Variants in TMCC1 observed in about 807,000 individuals in gnomAD.
TMCC1 encodes the protein transmembrane and coiled-coil domains protein 1.
TMCC1 carries 15 observed loss-of-function variants against 52.4 expected under a neutral mutation model. That is an observed-to-expected ratio of 0.29 (90% CI 0.19 to 0.44). TMCC1 has a LOEUF of 0.44. Ranked by LOEUF, TMCC1 falls within the 20% of genes least tolerant of loss-of-function variation. TMCC1 has a pLI of 1.00. For synonymous variants in TMCC1, 279 were observed against 301.9 expected (o/e 0.92, Z 0.79); for missense variants, 503 against 806.0 (o/e 0.62, Z 4.55).
chr3:129,654,105 T>C (rs1262725912), intron 6 of TMCC1, among the ~76,000 whole-genome samples: 3 of 152,174 alleles, frequency 2.0e-5, no homozygotes, highest in Admixed American at 6.5e-5. Context: ...TTCCAAAGTA[T>C]TCAAGGGATA....
chr3:129,759,402 G>A (rs1411859246), intron 4 of TMCC1, among the ~76,000 whole-genome samples: 1 of 151,294 alleles, frequency 6.6e-6, no homozygotes, highest in Non-Finnish European at 1.5e-5. Context: ...CAAGCAGCTG[G>A]GACTACAGGC....
chr3:129,763,574 G>GA (rs1304629054), intron 4 of TMCC1, among the ~76,000 whole-genome samples: 10 of 111,332 alleles, frequency 9.0e-5, no homozygotes, highest in East Asian at 2.6e-4. Flanking sequence ...AAAAGAAAAA[G>GA]AAAAAATTAT....
intron 4 of TMCC1, among the ~76,000 whole-genome samples, chr3:129,775,826 A>T (rs770901685): frequency 2.0e-5 from 3 of 152,164 alleles, no homozygotes; most frequent in Non-Finnish European, 2.9e-5. Flanking sequence ...TGTGCTCCAT[A>T]CTGTAGCCAG....
chr3:129,760,847 A>G (rs1470068892), intron 4 of TMCC1, among the ~76,000 whole-genome samples: 1 of 151,650 alleles, frequency 6.6e-6, no homozygotes, highest in East Asian at 2.0e-4. Context: ...CCTGGGCTCA[A>G]GCAGTCTACC....
intron 4 of TMCC1, among the ~76,000 whole-genome samples, chr3:129,718,707 C>A (rs1194679939): frequency 6.6e-6 from 1 of 152,024 alleles, no homozygotes; most frequent in Admixed American, 6.5e-5. Context: ...AATGTATTTT[C>A]TCTTCCTTAT....
At chr3:129,766,666 G>C (rs2054153970) in intron 4 of TMCC1, among the ~76,000 whole-genome samples, 1 of 151,890 alleles carries the variant, frequency 6.6e-6, no homozygotes, top group African/African-American at 2.4e-5. Flanking sequence ...TATCGCCCAG[G>C]CTGGAGTGTA....
intron 2 of TMCC1, among the ~76,000 whole-genome samples, chr3:129,836,929 A>G (rs1436494644): frequency 2.0e-5 from 3 of 152,210 alleles, no homozygotes; most frequent in African/African-American, 7.2e-5. Flanking sequence ...AAGAGCAAGC[A>G]ACAATACCAA....
In TMCC1 at chr3:129,681,464, T is replaced by C. The variant is rs1576428037; in HGVS notation, c.577-10200A>G. 6.6e-5 allele frequency among the ~76,000 whole-genome samples: 10 copies of C among 151,846 alleles called. No individual in the cohort carries two copies. In the South Asian group the frequency reaches 2.1e-3, roughly 32 times the overall value. On this transcript the variant is annotated intron_variant, in intron 4 of 6. Coordinates refer to ENST00000393238, the MANE Select transcript of TMCC1 (RefSeq NM_001017395.5). Reference sequence around the variant, plus strand: ...AGTAGTCAACGTTTTTTTTTTTCAGTAGGGAACTAACATTACCAGAGCTAT... The same window carrying C: ...AGTAGTCAACGTTTTTTTTTTTCAGCAGGGAACTAACATTACCAGAGCTAT...
rs116617909 is a variant in TMCC1, at chr3:129,821,966, A to C, written c.576+5837T>G. 4.6e-3 allele frequency among the ~76,000 whole-genome samples: 695 copies of C among 152,202 alleles called. 8 individuals carry two copies. Among genetic ancestry groups the C allele is most frequent in the African/African-American group, 0.016 (661 of 41,534 alleles). On this transcript the variant is annotated intron_variant, in intron 4 of 6. Transcript: ENST00000393238. ...TGGTCCCAGCTACTTGAAGAGGCTAAGGTGGGTGGTCACTTGAGCCTGGGA... is the reference window on the plus strand; with the variant it reads ...TGGTCCCAGCTACTTGAAGAGGCTACGGTGGGTGGTCACTTGAGCCTGGGA...
At chr3:129,835,607 T>C (rs955504694) in intron 2 of TMCC1, among the ~76,000 whole-genome samples, 9 of 152,060 alleles carry the variant, frequency 5.9e-5, no homozygotes, top group South Asian at 4.1e-4. Context: ...TGTCCAAGAG[T>C]GTAAAAGCGG....
intron 5 of TMCC1, among the ~76,000 whole-genome samples, chr3:129,667,182 C>T (rs1481838536): frequency 7.4e-6 from 1 of 134,450 alleles, no homozygotes; most frequent in African/African-American, 2.9e-5. Context: ...CGATTACAGG[C>T]GTGAGCCACT....
intron 2 of TMCC1, among the ~76,000 whole-genome samples, chr3:129,868,699 C>G (rs1391730404): frequency 6.6e-6 from 1 of 152,202 alleles, no homozygotes; most frequent in Non-Finnish European, 1.5e-5. Flanking sequence ...CTTGGCCTTC[C>G]AAAGTGCTAG....
intron 4 of TMCC1, among the ~76,000 whole-genome samples, chr3:129,724,286 A>C (rs1228639832): frequency 3.3e-5 from 5 of 152,210 alleles, no homozygotes; most frequent in African/African-American, 1.2e-4. Context: ...AATACTTTGA[A>C]TCCCAAACAC....
At chr3:129,678,766 A>T (rs769915707) in intron 4 of TMCC1, among the ~76,000 whole-genome samples, 3 of 152,192 alleles carry the variant, frequency 2.0e-5, no homozygotes, top group Non-Finnish European at 4.4e-5. Context: ...GTTCAAGATC[A>T]CAAATTAAAG....
In TMCC1 at chr3:129,651,466, C is replaced by A. The variant is rs150674121; in HGVS notation, c.*15G>T. The A allele has an allele frequency of 5.0e-6, 8 of 1,607,736 alleles. No homozygotes were observed. The East Asian group carries it at 1.6e-4, about 31-fold the overall frequency. ...ACTCGCCAGAGGGTAGGGAACAATGCCTTCTGTGCCAGCATCATCTAGGGG... is the reference window on the plus strand; with the variant it reads ...ACTCGCCAGAGGGTAGGGAACAATGACTTCTGTGCCAGCATCATCTAGGGG... On this transcript the variant is annotated 3_prime_UTR_variant, in exon 7 of 7. Transcript: ENST00000393238. The surrounding 1 kb of genome is among the most constrained non-coding windows in gnomAD (Gnocchi z 5.1).
intron 4 of TMCC1, among the ~76,000 whole-genome samples, chr3:129,717,446 G>A (rs1303917734): frequency 6.6e-6 from 1 of 151,716 alleles, no homozygotes; most frequent in African/African-American, 2.4e-5. Context: ...TACATTTTCT[G>A]CCTAGAACTT....
chr3:129,676,445 A>G (rs545832720), intron 4 of TMCC1, among the ~76,000 whole-genome samples: 3 of 152,332 alleles, frequency 2.0e-5, no homozygotes, highest in African/African-American at 7.2e-5. Context: ...CTTAATATTA[A>G]GAGATAGTTT....
chr3:129,655,613 C>G (rs907586892), intron 5 of TMCC1, among the ~76,000 whole-genome samples: 1 of 152,172 alleles, frequency 6.6e-6, no homozygotes, highest in Non-Finnish European at 1.5e-5. Flanking sequence ...TGGCCAAACA[C>G]AAGTGTCTGG....
intron 2 of TMCC1, among the ~76,000 whole-genome samples, chr3:129,835,302 T>G (rs962188563): frequency 2.0e-5 from 3 of 151,384 alleles, no homozygotes; most frequent in African/African-American, 7.3e-5. Flanking sequence ...ATAAAAAAAA[T>G]TCAGTCACGG....
Sources: gnomAD v4.1 joint callset for allele counts (sites outside exome capture counted in the v4.1 genomes callset) on GRCh38, gnomAD v4.1.1 for gene constraint, Gnocchi (gnomAD v3.1) non-coding constraint, MANE v1.5 for transcripts, NCBI Gene and HGNC (gene_info 2026-07-23, HGNC 2026-07-21) for gene names.